Variants in ANXA7 observed in about 807,000 individuals in gnomAD.
ANXA7 encodes annexin A7.
ANXA7 carries 55 observed loss-of-function variants against 64.9 expected under a neutral mutation model. The observed-to-expected ratio is 0.85, with a 90% CI of 0.68 to 1.06. The LOEUF (loss-of-function observed/expected upper bound fraction) is 1.06. ANXA7 is among the 50% of genes least tolerant of loss of function. The probability of loss-of-function intolerance (pLI) is 0.00; values close to 1 mark genes in which losing one functional copy is unlikely to be tolerated. For missense variants in ANXA7, 548 were observed against 582.1 expected, an observed-to-expected ratio of 0.94 and a Z score of 0.60; for synonymous variants, 200 against 192.4, an observed-to-expected ratio of 1.04 and a Z score of -0.33.
At position 73,376,064 on chromosome 10, in the gene ANXA7, T is replaced by C. The variant is rs745492396; in HGVS notation, c.*31A>G. Reference sequence around the variant, plus strand: ...CTGAAGGATAAGCTATGAATAGAAATTTTTTTTCATTAAAAAAAAAAAAAT... The same window carrying C: ...CTGAAGGATAAGCTATGAATAGAAACTTTTTTTCATTAAAAAAAAAAAAAT... On this transcript the variant is annotated 3_prime_UTR_variant, in exon 13 of 13. Transcript: ENST00000372921. 2.0e-5 allele frequency: 30 copies of C among 1,492,998 alleles called. No individual in the cohort carries two copies. Among genetic ancestry groups the C allele is most frequent in the South Asian group, 4.0e-5 (3 of 74,170 alleles). 92.5% of individuals were successfully genotyped at this position (1,492,998 alleles called of 1,614,324 possible).
At chr10:73,403,589 C>A (rs971791263) in intron 1 of ANXA7, among the ~76,000 whole-genome samples, 3 of 152,196 alleles carry the variant, frequency 2.0e-5, no homozygotes, top group African/African-American at 7.2e-5. Flanking sequence ...TATTTCTAGT[C>A]TTTTAACTAT....
chr10:73,393,864 C>A (rs1238049731), intron 5 of ANXA7, among the ~76,000 whole-genome samples: 1 of 152,174 alleles, frequency 6.6e-6, no homozygotes, highest in Non-Finnish European at 1.5e-5. Context: ...GAAATGGGAT[C>A]TAATTAAACC....
At position 73,398,177 on chromosome 10, in the gene ANXA7, T is replaced by G. The variant is rs770603904; in HGVS notation, c.259+4A>C. ...CATTACTAATTCCGCAACCCGTAAC[T>G]CACCTCCGGGATAGGATGGAGCTCC... On this transcript the variant is annotated splice_donor_region_variant and intron_variant, in intron 3 of 12. Coordinates refer to ENST00000372921, the MANE Select transcript of ANXA7 (RefSeq NM_001156.5). 1.4e-5 allele frequency: 23 copies of G among 1,606,526 alleles called. No homozygotes were observed. Among genetic ancestry groups the G allele is most frequent in the South Asian group, 1.2e-4 (11 of 90,908 alleles).
At chr10:73,397,909 C>G (rs1159591539) in intron 3 of ANXA7, among the ~76,000 whole-genome samples, 2 of 152,102 alleles carry the variant, frequency 1.3e-5, no homozygotes, top group Admixed American at 6.5e-5. Context: ...GGTCTTAAGA[C>G]TACAAACAAG....
At chr10:73,395,756 A>G (rs1180099187) in intron 5 of ANXA7, 1 of 470,372 alleles carries the variant, frequency 2.1e-6, no homozygotes, top group Non-Finnish European at 4.0e-6. Flanking sequence ...ACTGCACTCT[A>G]GCCTGGGTGC....
intron 5 of ANXA7, among the ~76,000 whole-genome samples, chr10:73,390,426 G>A (rs7072404): frequency 0.1 from 15,944 of 152,046 alleles, 1,215 homozygotes; most frequent in East Asian, 0.3. Context: ...TAGTTTCCAA[G>A]CTAGGGCTGT....
At chr10:73,396,234 A>T (rs2055573460) in intron 5 of ANXA7, 1 of 676,468 alleles carries the variant, frequency 1.5e-6, no homozygotes, top group Non-Finnish European at 2.6e-6. Flanking sequence ...GGTAAGGGCA[A>T]GGAAGAGGAA....
At position 73,379,948 on chromosome 10, in the gene ANXA7, T is replaced by C; in HGVS notation, c.1096A>G (p.Asn366Asp). The C allele has an allele frequency of 1.2e-6, 2 of 1,613,998 alleles. No individual in the cohort carries two copies. Among genetic ancestry groups the C allele is most frequent in the Middle Eastern group, 1.6e-4 (1 of 6,062 alleles). Residue 366 changes from asparagine to aspartate, a missense_variant, in exon 11 of 13, where the codon AAT becomes GAT. By Grantham distance (23) the Asn-to-Asp change is conservative. Transcript: ENST00000372921. ...ATMEAYSRMA[N>D]RDLLSSVSRE... ...CTCACACTGCTTAACAAGTCTCGAT[T>C]AGCCATCTGCAAACAAAATTAAAGG... is the stretch of plus-strand genomic sequence containing the variant.
chr10:73,390,713 TATATATAAAA>T (rs1452952419), intron 5 of ANXA7, among the ~76,000 whole-genome samples: 51 of 114,684 alleles, frequency 4.4e-4, no homozygotes, highest in East Asian at 1.9e-3. Flanking sequence ...TATATATATA[TATATATAAAA>T]ATATATATAT....
intron 1 of ANXA7, among the ~76,000 whole-genome samples, chr10:73,402,347 G>A (rs780109876): frequency 1.8e-4 from 27 of 150,988 alleles, no homozygotes; most frequent in African/African-American, 4.1e-4. Context: ...CCACAGGTGC[G>A]TACCACCATG....
chr10:73,376,045 G>A lies in ANXA7; in HGVS notation c.*50C>T. ...CTGCATGCAGGTCATTGCTCTGAAG[G>A]ATAAGCTATGAATAGAAATTTTTTT... On this transcript the variant is annotated 3_prime_UTR_variant, in exon 13 of 13. Coordinates refer to ENST00000372921, the MANE Select transcript of ANXA7 (RefSeq NM_001156.5). 3 of 1,450,640 alleles carry A rather than the reference G, an allele frequency of 2.1e-6. No individual in the cohort carries two copies. The highest frequency in any genetic ancestry group is 2.7e-6 in the Non-Finnish European group (3 of 1,092,822). The allele number at this position is 1,450,640 out of a possible 1,614,324, so 89.9% of individuals were successfully genotyped here.
Position 73,400,828 on chromosome 10 carries a change from C to T in ANXA7, c.29G>A (p.Gly10Asp), listed in dbSNP as rs567804172. 1 of 1,604,020 alleles carries T rather than the reference C, an allele frequency of 6.2e-7. No homozygotes were observed. Among genetic ancestry groups the T allele is most frequent in the Admixed American group, 1.7e-5 (1 of 58,948 alleles). ...AGGATATCCAGGGAAAGGTGGGTAG[C>T]CTGTTGGGGGATAGCCTGGGTATGA... MSYPGYPPT[G>D]YPPFPGYPPA... Residue 10 changes from glycine to aspartate, a missense_variant, in exon 2 of 13, where the codon GGC becomes GAC. Transcript: ENST00000372921.
intron 12 of ANXA7, among the ~76,000 whole-genome samples, chr10:73,378,258 G>A (rs550239571): frequency 2.9e-3 from 435 of 151,584 alleles, no homozygotes; most frequent in African/African-American, 9.4e-3. Context: ...CACACCTGTA[G>A]TCCCAGCTAC....
intron 2 of ANXA7, among the ~76,000 whole-genome samples, chr10:73,398,661 C>A (rs2055614478): frequency 6.6e-6 from 1 of 151,398 alleles, no homozygotes; most frequent in Non-Finnish European, 1.5e-5. Context: ...CTTTACAAAC[C>A]TCAAGGTTTT....
intron 5 of ANXA7, 143 bp downstream of exon 5, chr10:73,396,376 T>C: frequency 1.5e-6 from 1 of 663,920 alleles, no homozygotes. Context: ...CCAAAGAAAG[T>C]ATGGAGTCTA....
intron 6 of ANXA7, 69 bp downstream of exon 6, chr10:73,388,243 A>G: frequency 8.5e-7 from 1 of 1,176,592 alleles, no homozygotes; most frequent in Admixed American, 1.8e-5. Flanking sequence ...TTTATGAGAT[A>G]AGGTTTATTT....
chr10:73,389,503 G>T (rs1343938631), intron 5 of ANXA7, among the ~76,000 whole-genome samples: 2 of 152,114 alleles, frequency 1.3e-5, no homozygotes, highest in African/African-American at 4.8e-5. Context: ...GTTAACATTT[G>T]GAGAATCTGA....
intron 1 of ANXA7, among the ~76,000 whole-genome samples, chr10:73,401,805 G>A (rs2055672020): frequency 6.6e-6 from 1 of 152,020 alleles, no homozygotes; most frequent in Non-Finnish European, 1.5e-5. Context: ...CCCGGCCAAG[G>A]CTTCATCTTG....
chr10:73,411,055 T>A (rs2055830872), intron 1 of ANXA7, among the ~76,000 whole-genome samples: 2 of 152,184 alleles, frequency 1.3e-5, no homozygotes, highest in African/African-American at 4.8e-5. Context: ...TAAGTGCCCA[T>A]CAACTGAGTG....
Sources: allele counts gnomAD v4.1 joint callset (sites outside exome capture counted in the v4.1 genomes callset), GRCh38; gene constraint gnomAD v4.1.1; transcripts MANE v1.5; gene names NCBI Gene and HGNC (gene_info 2026-07-23, HGNC 2026-07-21).